The following ITGAM variants were observed in gnomAD, a reference collection of about 807,000 sequenced individuals.
ITGAM encodes the protein integrin alpha-M.
A neutral mutation model predicts 137.5 loss-of-function variants in ITGAM; 79 were observed. That is an observed-to-expected ratio of 0.57 (90% CI 0.48 to 0.69). ITGAM has a LOEUF of 0.69. ITGAM is among the 30% of genes least tolerant of loss of function. The pLI is 0.00. For missense variants in ITGAM, 1,343 were observed against 1,483.5 expected, an observed-to-expected ratio of 0.91 and a Z score of 1.56; for synonymous variants, 583 against 592.3, an observed-to-expected ratio of 0.98 and a Z score of 0.23.
At chr16:31,329,756 G>C (rs1295802957) in intron 24 of ITGAM, 42 bp from the exon 25 acceptor site, 1 of 1,509,558 alleles carries the variant, frequency 6.6e-7, no homozygotes, top group South Asian at 1.2e-5. Flanking sequence ...AGGCTGGTGG[G>C]GGAGGAAGGC....
At chr16:31,284,638 G>T (rs532209554) in intron 12 of ITGAM, among the ~76,000 whole-genome samples, 8 of 152,252 alleles carry the variant, frequency 5.3e-5, no homozygotes, top group Non-Finnish European at 8.8e-5. Context: ...GCTTCCCTTG[G>T]CTAGGAAAGG....
Position 31,324,351 on chromosome 16 carries a change from G to A in ITGAM, c.2003-48G>A. 6.6e-7 allele frequency: 1 copy of A among 1,520,670 alleles called. No homozygotes were observed. The highest frequency in any genetic ancestry group is 8.9e-7 in the Non-Finnish European group (1 of 1,120,082). The allele number at this position is 1,520,670 out of a possible 1,614,324, so 94.2% of individuals were successfully genotyped here. On this transcript the variant is annotated intron_variant, in intron 16 of 29. Transcript: ENST00000544665. This position sits in a 1 kb window ranked among gnomAD's most constrained non-coding sequence, Gnocchi z 4.5. Reference sequence around the variant, plus strand: ...CTGGGCCTTGAACTCCCATCTGCCGGGTTCCGAGGCTCAGGCCCCTCACTG... The same window carrying A: ...CTGGGCCTTGAACTCCCATCTGCCGAGTTCCGAGGCTCAGGCCCCTCACTG...
rs1019593030 is a variant in ITGAM at position 31,263,020 on chromosome 16, C to A, written c.134+1223C>A. Among the ~76,000 whole-genome samples the A allele has an allele frequency of 5.3e-5, 8 of 152,108 alleles. No individual in the cohort carries two copies. The South Asian group carries it at 1.5e-3, about 28-fold the overall frequency. On this transcript the variant is annotated intron_variant, in intron 2 of 29. Transcript: ENST00000544665. ...GCAGTGGCATGATCTTGGCTCACTG[C>A]GACTTCTGCCTCCTGGGTTCAATCG...
At chr16:31,312,873 C>CT (rs58746448) in intron 14 of ITGAM, among the ~76,000 whole-genome samples, 3,051 of 137,466 alleles carry the variant, frequency 0.022, 118 homozygotes, top group African/African-American at 0.078. Flanking sequence ...AGGGAGCAGT[C>CT]TTTTTTTTTT....
intron 5 of ITGAM, 140 bp downstream of exon 5, chr16:31,266,287 G>A (rs1382054236): frequency 3.1e-6 from 2 of 641,338 alleles, no homozygotes. Context: ...TCAGAAGCTA[G>A]GGAGGTGCTA....
In ITGAM at chr16:31,275,622, A is replaced by C. The variant is rs752125856; in HGVS notation, c.932A>C (p.His311Pro). Residue 311 changes from histidine to proline, a missense_variant, in exon 9 of 30, where the codon CAC becomes CCC. Physicochemically the swap from His to Pro is moderately conservative, Grantham distance 77 (BLOSUM62 -2). Transcript: ENST00000544665. ...ATCGCATCCAAGCCGCCTCGTGATC[A>C]CGTGTTCCAGGTGAATAACTTTGAG... is the stretch of plus-strand genomic sequence containing the variant. ...NTIASKPPRDHVFQVNNFEAL... is the reference protein window; with the variant it reads ...NTIASKPPRDPVFQVNNFEAL... The C allele has an allele frequency of 6.2e-7, 1 of 1,613,940 alleles. No homozygotes were observed. The highest frequency in any genetic ancestry group is 8.5e-7 in the Non-Finnish European group (1 of 1,179,866).
Position 31,325,455 on chromosome 16 carries a change from C to A in ITGAM, c.2506-45C>A, listed in dbSNP as rs368737366. 8 of 1,612,694 alleles carry A rather than the reference C, an allele frequency of 5.0e-6. No homozygotes were observed. In the African/African-American group the frequency reaches 8.0e-5, roughly 16 times the overall value. ...TCTGACCTTTGCTTCCCCATCCTCA[C>A]GGCCGGAGGTGGATATCACCGCCTT... On this transcript the variant is annotated intron_variant, in intron 20 of 29. Transcript: ENST00000544665.
At position 31,273,518 on chromosome 16, in the gene ITGAM, G is replaced by A. The variant is rs746146903; in HGVS notation, c.858G>A (p.Gly286=). The change falls in exon 8 of 30, where the codon GGG becomes GGA. Residue 286 remains glycine (G), a splice_region_variant and synonymous_variant. Transcript: ENST00000544665. ...DREGVIRYVI[G]VGDAFRSEKS... is the part of the protein sequence containing the mutation. ...AGGGAGTCATTCGCTACGTCATTGG[G>A]GTAGGGAATGCAGCTCTCAGGTTGA... is the stretch of plus-strand genomic sequence containing the variant. 1.9e-5 allele frequency: 30 copies of A among 1,613,248 alleles called. No homozygotes were observed. The highest frequency in any genetic ancestry group is 2.1e-5 in the Non-Finnish European group (25 of 1,179,526).
In ITGAM at chr16:31,293,091, C is replaced by T. The variant is rs372687186; in HGVS notation, c.1357-4423C>T. 1.1e-4 allele frequency among the ~76,000 whole-genome samples: 17 copies of T among 152,180 alleles called. No individual in the cohort carries two copies. In the East Asian group the frequency reaches 2.3e-3, roughly 21 times the overall value. On this transcript the variant is annotated intron_variant, in intron 12 of 29. Coordinates refer to ENST00000544665, the MANE Select transcript of ITGAM (RefSeq NM_000632.4). Reference sequence around the variant, plus strand: ...AGTGTCTGTTCATTTCCTTTTCCCACCTTTTAATGGCGTTGTTTTTCTCTT... The same window carrying T: ...AGTGTCTGTTCATTTCCTTTTCCCATCTTTTAATGGCGTTGTTTTTCTCTT...
Position 31,271,096 on chromosome 16 carries a change from G to C in ITGAM, c.558+12G>C. 5 of 1,552,472 alleles carry C rather than the reference G, an allele frequency of 3.2e-6. No individual in the cohort carries two copies. The highest frequency in any genetic ancestry group is 2.6e-6 in the Non-Finnish European group (3 of 1,142,846). The stretch of plus-strand genomic sequence containing the variant: ...AGTCCAAAACCTTGGTGAGGGCCCA[G>C]GGGTAGGTTAGGGAAGAGCCCACAC... On this transcript the variant is annotated intron_variant, in intron 6 of 29. Coordinates refer to ENST00000544665, the MANE Select transcript of ITGAM (RefSeq NM_000632.4).
At chr16:31,306,336 C>T (rs1439472027) in intron 14 of ITGAM, among the ~76,000 whole-genome samples, 1 of 152,028 alleles carries the variant, frequency 6.6e-6, no homozygotes, top group Non-Finnish European at 1.5e-5. Flanking sequence ...CTTCCATCAA[C>T]ATATTAAATT....
At chr16:31,300,625 T>C (rs1255282932) in intron 14 of ITGAM, among the ~76,000 whole-genome samples, 1 of 152,124 alleles carries the variant, frequency 6.6e-6, no homozygotes, top group East Asian at 1.9e-4. Flanking sequence ...AATCAAGTTA[T>C]TAAGGCCGGG....
chr16:31,322,469 A>T (rs2080460420), intron 16 of ITGAM, among the ~76,000 whole-genome samples: 1 of 152,236 alleles, frequency 6.6e-6, no homozygotes. Flanking sequence ...GACTCTTAAG[A>T]CACGAATGCC....
intron 8 of ITGAM, among the ~76,000 whole-genome samples, chr16:31,274,119 A>G (rs999396659): frequency 2.6e-5 from 4 of 152,194 alleles, no homozygotes; most frequent in African/African-American, 9.7e-5. Context: ...TGCTATTTCA[A>G]TCACAAACGC....
In ITGAM at chr16:31,321,313, AC is replaced by A; in HGVS notation, c.1781del (p.Thr594LysfsTer6). The A allele has an allele frequency of 6.2e-7, 1 of 1,614,050 alleles. No homozygotes were observed. Among genetic ancestry groups the A allele is most frequent in the East Asian group, 2.2e-5 (1 of 44,882 alleles). On this transcript the variant is annotated frameshift_variant, in exon 15 of 30. Transcript: ENST00000544665. LOFTEE classifies it high-confidence loss of function. ...GTCACTGAGTGGGGGCCAGGACCTC[AC>A]AATGGATGGACTGGTAGACCTGACT... ...GQSLSGGQDL[T>X]MDGLVDLTVG...
chr16:31,292,558 CT>C (rs1265725452), intron 12 of ITGAM, among the ~76,000 whole-genome samples: 1 of 152,056 alleles, frequency 6.6e-6, no homozygotes, highest in Non-Finnish European at 1.5e-5. Flanking sequence ...GGATAACGGC[CT>C]TCAGCTCCAT....
At chr16:31,285,624 G>A (rs780006433) in intron 12 of ITGAM, among the ~76,000 whole-genome samples, 4 of 152,004 alleles carry the variant, frequency 2.6e-5, no homozygotes, top group East Asian at 1.9e-4. Flanking sequence ...ATGACAGGGC[G>A]AGACTTCATC....
chr16:31,279,243 G>A (rs2079942890), intron 12 of ITGAM, among the ~76,000 whole-genome samples: 1 of 152,140 alleles, frequency 6.6e-6, no homozygotes, highest in Non-Finnish European at 1.5e-5. Flanking sequence ...AATTCTTTGG[G>A]TATATACCCA....
rs1042167253 is a variant in ITGAM at position 31,288,667 on chromosome 16, C to T, written c.1357-8847C>T. ...AACCATAAAAACCCTAGAAGGAAAC[C>T]TAGGCATTACCATTCAGGACATAAG... On this transcript the variant is annotated intron_variant, in intron 12 of 29. Transcript: ENST00000544665. Among the ~76,000 whole-genome samples the T allele has an allele frequency of 2.6e-5, 4 of 152,082 alleles. No individual in the cohort carries two copies. In the East Asian group the frequency reaches 5.8e-4, roughly 22 times the overall value.
Sources: allele counts gnomAD v4.1 joint callset (sites outside exome capture counted in the v4.1 genomes callset), GRCh38; gene constraint gnomAD v4.1.1; non-coding constraint Gnocchi (gnomAD v3.1); transcripts MANE v1.5; gene names NCBI Gene and HGNC (gene_info 2026-07-23, HGNC 2026-07-21).